FBP2: variants seen among roughly 807,000 people sequenced by gnomAD.
FBP2 encodes fructose-bisphosphatase 2, also known as fructose-1,6-bisphosphatase isozyme 2.
In FBP2, 27 loss-of-function variants were observed where a neutral mutation model predicts 31.6. That is an observed-to-expected ratio of 0.85 (90% CI 0.63 to 1.18). The LOEUF (loss-of-function observed/expected upper bound fraction) is 1.18, where lower values mean the gene tolerates loss of function less well. Among genes scored for constraint, FBP2 ranks in the 50% most tolerant of loss-of-function variants. The pLI is 0.00. For synonymous variants in FBP2, 168 were observed against 179.8 expected, an observed-to-expected ratio of 0.93 and a Z score of 0.53; for missense variants, 421 against 436.1, an observed-to-expected ratio of 0.97 and a Z score of 0.31.
chr9:94,566,316 G>A (rs569407629), intron 5 of FBP2, among the ~76,000 whole-genome samples: 3 of 152,210 alleles, frequency 2.0e-5, no homozygotes, highest in African/African-American at 4.8e-5. Flanking sequence ...TGGGTTTACC[G>A]GAATGAGGGC....
At position 94,563,575 on chromosome 9, in the gene FBP2, C is replaced by T. The variant is rs190147315; in HGVS notation, c.706-114G>A. ...CTCTGCCTTCTTGAATCCCTATCCT[C>T]CACCCACTAGTGTAGGAATTGAAAA... On this transcript the variant is annotated intron_variant, in intron 5 of 6. Transcript: ENST00000375337. The T allele has an allele frequency of 5.4e-6, 6 of 1,117,384 alleles. No homozygotes were observed. The East Asian group carries it at 1.4e-4, about 27-fold the overall frequency. The allele number at this position is 1,117,384 out of a possible 1,614,324, so 69.2% of individuals were successfully genotyped here. A position where few individuals can be genotyped will look rare whatever the true frequency, so the allele number is the denominator to read the frequency against.
chr9:94,588,813 G>A (rs1052410502), intron 1 of FBP2, among the ~76,000 whole-genome samples: 12 of 152,074 alleles, frequency 7.9e-5, no homozygotes, highest in Non-Finnish European at 1.0e-4. Context: ...GAATCTCTGC[G>A]CCCGGGTTGG....
At chr9:94,563,569 T>C in intron 5 of FBP2, 108 bp from the exon 6 acceptor site, 1 of 1,209,862 alleles carries the variant, frequency 8.3e-7, no homozygotes, top group Non-Finnish European at 1.2e-6. Flanking sequence ...CTTGAATCCC[T>C]ATCCTCCACC....
Position 94,567,315 on chromosome 9 carries a change from A to G in FBP2, c.660T>C (p.Phe220=), listed in dbSNP as rs546385370. ...GCACATATTCAGTGGTGGCCGCATC[A>G]AAATACTTGGCATAGCCCTCATTCA... ...YSLNEGYAKY[F]DAATTEYVQK... The change falls in exon 5 of 7, where the codon TTT becomes TTC. Residue 220 remains phenylalanine, a synonymous_variant. Coordinates refer to ENST00000375337, the MANE Select transcript of FBP2 (RefSeq NM_003837.4). 1 of 1,614,234 alleles carries G rather than the reference A, an allele frequency of 6.2e-7. No homozygotes were observed. Among genetic ancestry groups the G allele is most frequent in the Admixed American group, 1.7e-5 (1 of 60,032 alleles).
At chr9:94,565,819 G>A (rs1227128631) in intron 5 of FBP2, among the ~76,000 whole-genome samples, 4 of 152,014 alleles carry the variant, frequency 2.6e-5, no homozygotes, top group Admixed American at 6.5e-5. Context: ...GGGAGGGAGC[G>A]AGGGCAGGAG....
At chr9:94,582,849 CCT>C (rs1491490579) in intron 3 of FBP2, among the ~76,000 whole-genome samples, 2 of 142,418 alleles carry the variant, frequency 1.4e-5, no homozygotes, top group Non-Finnish European at 3.0e-5. Context: ...TTCCCAGCCC[CCT>C]TTTTTTTTTT....
rs1827049410 is a variant in FBP2 at position 94,558,895 on chromosome 9, A to G, written c.*43T>C. ...TATCGTTCATTTAGGGTCCTTAGAC[A>G]AGGTGCAAGACAAACAGAAGAGGGC... On this transcript the variant is annotated 3_prime_UTR_variant, in exon 7 of 7. Coordinates refer to ENST00000375337, the MANE Select transcript of FBP2 (RefSeq NM_003837.4). 6.3e-7 allele frequency: 1 copy of G among 1,580,664 alleles called. No homozygotes were observed. Among genetic ancestry groups the G allele is most frequent in the Non-Finnish European group, 8.7e-7 (1 of 1,150,074 alleles).
intron 6 of FBP2, among the ~76,000 whole-genome samples, chr9:94,560,893 C>A (rs1251508063): frequency 2.0e-5 from 3 of 148,620 alleles, no homozygotes; most frequent in Non-Finnish European, 2.9e-5. Context: ...GTATTTACTG[C>A]CATTTTGGTC....
intron 6 of FBP2, among the ~76,000 whole-genome samples, chr9:94,562,115 T>C (rs546559312): frequency 6.6e-6 from 1 of 151,750 alleles, no homozygotes; most frequent in Admixed American, 6.6e-5. Context: ...ATCGAGACCA[T>C]CCTGGCTAAC....
intron 3 of FBP2, among the ~76,000 whole-genome samples, chr9:94,574,660 TTTC>T (rs923104425): frequency 6.6e-6 from 1 of 152,166 alleles, no homozygotes; most frequent in African/African-American, 2.4e-5. Flanking sequence ...TTCCATATGT[TTTC>T]TTCTCTTGTC....
intron 2 of FBP2, 49 bp from the exon 3 acceptor site, chr9:94,584,718 C>T: frequency 8.7e-7 from 1 of 1,145,376 alleles, no homozygotes; most frequent in Non-Finnish European, 1.3e-6. Context: ...TTCCCATTAG[C>T]ACAATTGCTC....
intron 5 of FBP2, among the ~76,000 whole-genome samples, chr9:94,566,582 CTG>C (rs757454577): frequency 6.6e-5 from 10 of 152,208 alleles, no homozygotes; most frequent in Non-Finnish European, 1.3e-4. Context: ...GCTCTCAACT[CTG>C]AAGGCTGTGA....
At chr9:94,584,451 C>A in intron 3 of FBP2, 126 bp downstream of exon 3, 1 of 656,560 alleles carries the variant, frequency 1.5e-6, no homozygotes, top group Non-Finnish European at 2.8e-6. Flanking sequence ...TGGTGGTTTG[C>A]CTACAGTGGC....
intron 3 of FBP2, among the ~76,000 whole-genome samples, chr9:94,578,984 C>T (rs1422685345): frequency 6.4e-5 from 8 of 124,084 alleles, no homozygotes; most frequent in African/African-American, 2.5e-4. Flanking sequence ...ACCCGGAAGG[C>T]GGAGCTTGCA....
In FBP2 at chr9:94,558,889, T is replaced by G. The variant is rs775679285; in HGVS notation, c.*49A>C. ...TCTGTTTATCGTTCATTTAGGGTCCTTAGACAAGGTGCAAGACAAACAGAA... is the reference window on the plus strand; with the variant it reads ...TCTGTTTATCGTTCATTTAGGGTCCGTAGACAAGGTGCAAGACAAACAGAA... On this transcript the variant is annotated 3_prime_UTR_variant, in exon 7 of 7. Transcript: ENST00000375337. The G allele has an allele frequency of 3.2e-6, 5 of 1,564,510 alleles. No individual in the cohort carries two copies. The Admixed American group carries it at 5.0e-5, about 16-fold the overall frequency.
chr9:94,574,474 T>C (rs929388737), intron 3 of FBP2, among the ~76,000 whole-genome samples: 17 of 152,146 alleles, frequency 1.1e-4, no homozygotes, highest in African/African-American at 3.6e-4. Context: ...CTCTTTCATG[T>C]CTTGCTTATT....
At chr9:94,571,710 T>G in intron 3 of FBP2, 108 bp from the exon 4 acceptor site, 1 of 1,032,120 alleles carries the variant, frequency 9.7e-7, no homozygotes, top group Non-Finnish European at 1.4e-6. Context: ...GAAGCGCGGT[T>G]CTTTGAATTT....
chr9:94,579,408 A>AC (rs1396778822), intron 3 of FBP2, among the ~76,000 whole-genome samples: 1 of 151,184 alleles, frequency 6.6e-6, no homozygotes, highest in East Asian at 1.9e-4. Flanking sequence ...AAAAAAAAAA[A>AC]AAAAAAAAAA....
At chr9:94,586,559 T>C (rs915767259) in intron 2 of FBP2, 7 of 152,224 alleles carry the variant, frequency 4.6e-5, no homozygotes, top group African/African-American at 1.2e-4. Context: ...GCTAAAATTA[T>C]GTGAGACGAG....
Sources: allele counts gnomAD v4.1 joint callset (sites outside exome capture counted in the v4.1 genomes callset), GRCh38; gene constraint gnomAD v4.1.1; transcripts MANE v1.5; gene names NCBI Gene and HGNC (gene_info 2026-07-23, HGNC 2026-07-21).